CDKAL1: variants seen among roughly 807,000 people sequenced by gnomAD.
CDKAL1 encodes the protein CDKAL1 threonylcarbamoyladenosine tRNA methylthiotransferase.
A neutral mutation model predicts 68.2 loss-of-function variants in CDKAL1; 32 were observed. That is an observed-to-expected ratio of 0.47 (90% confidence interval 0.35 to 0.63). The LOEUF is 0.63. Among genes scored for constraint, CDKAL1 ranks in the 30% least tolerant of loss-of-function variants. The pLI is 0.00. For synonymous variants in CDKAL1, 234 were observed against 244.3 expected (o/e 0.96, Z 0.39); for missense variants, 606 against 696.7 (o/e 0.87, Z 1.47).
At chr6:20,951,957 C>CTTTTT (rs10558500) in intron 9 of CDKAL1, among the ~76,000 whole-genome samples, 34 of 91,712 alleles carry the variant, frequency 3.7e-4, no homozygotes, top group Non-Finnish European at 5.5e-4. Flanking sequence ...TTTTCATTTT[C>CTTTTT]TTTTTTTTTT....
intron 15 of CDKAL1, among the ~76,000 whole-genome samples, chr6:21,208,941 TA>T (rs1449911112): frequency 6.6e-6 from 1 of 152,244 alleles, no homozygotes; most frequent in Non-Finnish European, 1.5e-5. Flanking sequence ...AAGCTGATGC[TA>T]AACAATTAGC....
chr6:21,094,812 T>G (rs899210188), intron 12 of CDKAL1, among the ~76,000 whole-genome samples: 5 of 152,230 alleles, frequency 3.3e-5, no homozygotes, highest in African/African-American at 1.2e-4. Flanking sequence ...TAAAATATAG[T>G]TATTACAGTT....
chr6:20,894,792 G>A (rs1432889809), intron 9 of CDKAL1, among the ~76,000 whole-genome samples: 2 of 152,156 alleles, frequency 1.3e-5, no homozygotes, highest in East Asian at 3.8e-4. Context: ...AGGATATTTT[G>A]AGTCCATGGG....
intron 5 of CDKAL1, among the ~76,000 whole-genome samples, chr6:20,712,689 T>C (rs1375523058): frequency 1.3e-5 from 2 of 151,934 alleles, no homozygotes; most frequent in African/African-American, 4.8e-5. Flanking sequence ...CTGTCGCCCA[T>C]GCTGGAGCGC....
intron 11 of CDKAL1, among the ~76,000 whole-genome samples, chr6:21,062,139 A>C (rs1771169436): frequency 6.6e-6 from 1 of 152,224 alleles, no homozygotes; most frequent in Non-Finnish European, 1.5e-5. Flanking sequence ...GAAAATCAGT[A>C]AGGTACTTTC....
chr6:21,114,746 G>GA (rs1363166734), intron 13 of CDKAL1, among the ~76,000 whole-genome samples: 1 of 151,752 alleles, frequency 6.6e-6, no homozygotes, highest in Non-Finnish European at 1.5e-5. Flanking sequence ...CTCAAAAAAA[G>GA]AAAAAAGAAA....
intron 13 of CDKAL1, among the ~76,000 whole-genome samples, chr6:21,174,566 T>A (rs904836564): frequency 2.6e-5 from 4 of 152,026 alleles, no homozygotes; most frequent in Non-Finnish European, 5.9e-5. Flanking sequence ...TACAAAAAAA[T>A]ATTTGTTCCC....
intron 9 of CDKAL1, among the ~76,000 whole-genome samples, chr6:20,914,086 G>A (rs1020152262): frequency 8.6e-5 from 13 of 151,974 alleles, no homozygotes; most frequent in African/African-American, 1.9e-4. Flanking sequence ...CCAGGAGCTC[G>A]AGACCACCCT....
In CDKAL1 at chr6:20,618,828, G is replaced by A. The variant is rs1017744984; in HGVS notation, c.287-30465G>A. Among the ~76,000 whole-genome samples, 6 of 152,158 alleles carry A rather than the reference G, an allele frequency of 3.9e-5. No homozygotes were observed. In the East Asian group the frequency reaches 1.2e-3, roughly 29 times the overall value. On this transcript the variant is annotated intron_variant, in intron 4 of 15. Coordinates refer to ENST00000274695, the MANE Select transcript of CDKAL1 (RefSeq NM_017774.3). ...TGAGTAGCTAGGACCACAGGCACGT[G>A]CCACCACACCTACCTAATTTTTGTA...
chr6:20,656,663 T>A (rs1769040385), intron 5 of CDKAL1, among the ~76,000 whole-genome samples: 1 of 152,134 alleles, frequency 6.6e-6, no homozygotes, highest in Non-Finnish European at 1.5e-5. Context: ...TTCTAGAGTA[T>A]TTCTAAAAGT....
At chr6:20,746,813 A>G (rs1316644612) in intron 6 of CDKAL1, among the ~76,000 whole-genome samples, 1 of 152,182 alleles carries the variant, frequency 6.6e-6, no homozygotes, top group Non-Finnish European at 1.5e-5. Context: ...GTCAAGCAAA[A>G]TAACTTATCC....
intron 6 of CDKAL1, among the ~76,000 whole-genome samples, chr6:20,752,851 G>A (rs888263976): frequency 1.3e-5 from 2 of 151,994 alleles, no homozygotes; most frequent in Non-Finnish European, 2.9e-5. Context: ...TCCTTTATAG[G>A]AAATGAAAAG....
rs112341516 is a variant in CDKAL1 at position 20,715,774 on chromosome 6, A to C, written c.372-23745A>C. Among the ~76,000 whole-genome samples the C allele has an allele frequency of 3.7e-3, 559 of 152,278 alleles. 1 individual carries two copies. Among genetic ancestry groups the C allele is most frequent in the Non-Finnish European group, 5.6e-3 (384 of 68,024 alleles). ...GTAGGATATTCTGAAAATATATTTA[A>C]AATATTCTTATTTTTCCTAGTCAGT... On this transcript the variant is annotated intron_variant, in intron 5 of 15. Coordinates refer to ENST00000274695, the MANE Select transcript of CDKAL1 (RefSeq NM_017774.3).
chr6:20,541,682 CAG>C lies in CDKAL1; in HGVS notation c.-5-4661_-5-4660del, dbSNP rs568799246. ...TTGACAGTCTTTTTTTTTTTTGAGA[CAG>C]AGTTTCGCTCTTGTTGCCCAGGCTG... On this transcript the variant is annotated intron_variant, in intron 2 of 15. Transcript: ENST00000274695. Among the ~76,000 whole-genome samples the C allele has an allele frequency of 4.0e-3, 600 of 151,248 alleles. 3 individuals carry two copies. Among genetic ancestry groups the C allele is most frequent in the African/African-American group, 0.014 (566 of 41,194 alleles).
At chr6:21,000,530 G>A (rs984349764) in intron 11 of CDKAL1, among the ~76,000 whole-genome samples, 158 bp downstream of exon 11, 3 of 144,124 alleles carry the variant, frequency 2.1e-5, no homozygotes, top group African/African-American at 4.8e-5. Flanking sequence ...CACCTTTGAT[G>A]TGGTTTTTTC....
At chr6:20,678,041 T>C (rs1318012229) in intron 5 of CDKAL1, among the ~76,000 whole-genome samples, 1 of 152,120 alleles carries the variant, frequency 6.6e-6, no homozygotes, top group Non-Finnish European at 1.5e-5. Flanking sequence ...AGGTGTATTC[T>C]CTTCTCTGTT....
At chr6:21,201,361 A>C (rs1778685503) in intron 15 of CDKAL1, 87 bp downstream of exon 15, 1 of 1,193,702 alleles carries the variant, frequency 8.4e-7, no homozygotes, top group African/African-American at 1.5e-5. Flanking sequence ...TTCTGTTATC[A>C]TTTATAGTTC....
At chr6:21,035,958 G>T (rs946969632) in intron 11 of CDKAL1, among the ~76,000 whole-genome samples, 1 of 152,076 alleles carries the variant, frequency 6.6e-6, no homozygotes, top group Non-Finnish European at 1.5e-5. Flanking sequence ...AGATGGAAGC[G>T]CCACTCAATT....
chr6:20,922,228 T>C (rs1437817661), intron 9 of CDKAL1, among the ~76,000 whole-genome samples: 1 of 152,248 alleles, frequency 6.6e-6, no homozygotes, highest in Non-Finnish European at 1.5e-5. Context: ...TCAGAGGGTC[T>C]ACTGCACTTC....
Sources: gnomAD v4.1 joint callset for allele counts (sites outside exome capture counted in the v4.1 genomes callset) on GRCh38, gnomAD v4.1.1 for gene constraint, MANE v1.5 for transcripts, NCBI Gene and HGNC (gene_info 2026-07-23, HGNC 2026-07-21) for gene names.